The following CEP128 variants were observed in gnomAD, a reference collection of about 807,000 sequenced individuals.
CEP128 encodes centrosomal protein 128, also known as centrosomal protein 128kDa.
A neutral mutation model predicts 156.7 loss-of-function variants in CEP128; 132 were observed. The ratio of observed to expected loss-of-function variants is 0.84; its 90% CI spans 0.73 to 0.97. The LOEUF is 0.97. CEP128 is among the 50% of genes least tolerant of loss of function. The pLI is 0.00. For missense variants in CEP128, 1,252 were observed against 1,281.9 expected, an observed-to-expected ratio of 0.98 and a Z score of 0.36; for synonymous variants, 469 against 448.9, an observed-to-expected ratio of 1.04 and a Z score of -0.57.
At chr14:80,538,108 G>T (rs1889569150) in intron 21 of CEP128, among the ~76,000 whole-genome samples, 1 of 151,886 alleles carries the variant, frequency 6.6e-6, no homozygotes. Flanking sequence ...CAGTGAATGT[G>T]AATGTGAACT....
chr14:80,817,244 A>G (rs1204610156), intron 13 of CEP128, among the ~76,000 whole-genome samples: 2 of 152,146 alleles, frequency 1.3e-5, no homozygotes, highest in African/African-American at 4.8e-5. Context: ...AGACAGAAAA[A>G]CCCAAAAGGT....
At chr14:80,507,684 G>A (rs1228622872) in intron 23 of CEP128, among the ~76,000 whole-genome samples, 1 of 152,208 alleles carries the variant, frequency 6.6e-6, no homozygotes, top group Non-Finnish European at 1.5e-5. Context: ...CCACAACTGA[G>A]ACAGACAGTG....
chr14:80,678,066 A>ATATATATATATATATATATATATGTG (rs1896161298), intron 19 of CEP128, among the ~76,000 whole-genome samples: 1 of 147,266 alleles, frequency 6.8e-6, no homozygotes, highest in Non-Finnish European at 1.5e-5. Context: ...ATATATATGT[A>ATATATATATATATATATATATATGTG]TATATATATA....
At chr14:80,732,932 G>T (rs138725113) in intron 19 of CEP128, among the ~76,000 whole-genome samples, 5 of 137,866 alleles carry the variant, frequency 3.6e-5, no homozygotes, top group Non-Finnish European at 7.9e-5. Context: ...TGGTATAAAG[G>T]TTAATTTTAT....
At chr14:80,542,362 T>C (rs186971502) in intron 21 of CEP128, among the ~76,000 whole-genome samples, 112 of 152,282 alleles carry the variant, frequency 7.4e-4, no homozygotes, top group African/African-American at 2.5e-3. Context: ...CTTAGAAATA[T>C]TGTGGCAAGA....
chr14:80,678,046 A>AT (rs1253133011), intron 19 of CEP128, among the ~76,000 whole-genome samples: 20,638 of 83,066 alleles, frequency 0.25, 1,990 homozygotes, highest in East Asian at 0.45. Flanking sequence ...TCTATAAAAA[A>AT]AAAATATATA....
At position 80,923,348 on chromosome 14, in the gene CEP128, T is replaced by C. The variant is rs188572511; in HGVS notation, c.-15-6786A>G. On this transcript the variant is annotated intron_variant, in intron 2 of 24. Transcript: ENST00000555265. ...GAATTCAACCTTTGTAATAAGAGGA[T>C]TGGCAATGAGCCTTTACAAACTCAA... Among the ~76,000 whole-genome samples the C allele has an allele frequency of 7.9e-5, 12 of 152,326 alleles. No homozygotes were observed. The East Asian group carries it at 1.9e-3, about 25-fold the overall frequency.
intron 1 of CEP128, among the ~76,000 whole-genome samples, chr14:80,959,081 C>G (rs726020): frequency 0.43 from 64,938 of 151,594 alleles, 15,537 homozygotes; most frequent in African/African-American, 0.66. Flanking sequence ...ATATCCCAGC[C>G]CCGTGGTCTT....
intron 2 of CEP128, among the ~76,000 whole-genome samples, chr14:80,925,442 C>T (rs1295788849): frequency 6.6e-6 from 1 of 152,118 alleles, no homozygotes; most frequent in Non-Finnish European, 1.5e-5. Flanking sequence ...GTTAGAATTT[C>T]CCAGTAATCA....
rs544456026 is a variant in CEP128, at chr14:80,509,835, C to A, written c.3073-4815G>T. Among the ~76,000 whole-genome samples the A allele has an allele frequency of 5.7e-4, 87 of 152,192 alleles. 1 individual carries two copies. The highest frequency in any genetic ancestry group is 2.7e-3 in the Admixed American group (42 of 15,286). ...AGGTATACATTCTAGTTTCATTTTT[C>A]TGCATATGAATATCCAGTTTTTACA... On this transcript the variant is annotated intron_variant, in intron 23 of 24. Coordinates refer to ENST00000555265, the MANE Select transcript of CEP128 (RefSeq NM_152446.5).
chr14:80,783,934 CA>C (rs1901258825), intron 15 of CEP128, among the ~76,000 whole-genome samples: 1 of 152,154 alleles, frequency 6.6e-6, no homozygotes, highest in Non-Finnish European at 1.5e-5. Flanking sequence ...CCACTAATGC[CA>C]GAAGGCTATC....
chr14:80,507,476 G>C (rs989004362), intron 23 of CEP128, among the ~76,000 whole-genome samples: 1 of 152,174 alleles, frequency 6.6e-6, no homozygotes, highest in African/African-American at 2.4e-5. Flanking sequence ...CTACAGGTGT[G>C]GCTGAAATTG....
chr14:80,544,574 T>C (rs185396337), intron 21 of CEP128, among the ~76,000 whole-genome samples: 89 of 152,326 alleles, frequency 5.8e-4, no homozygotes, highest in South Asian at 1.4e-3. Context: ...CCAAAGGGCC[T>C]ACCTACCTTG....
chr14:80,743,979 C>T lies in CEP128; in HGVS notation c.2614-712G>A, dbSNP rs1438596764. Among the ~76,000 whole-genome samples, 5 of 151,834 alleles carry T rather than the reference C, an allele frequency of 3.3e-5. No individual in the cohort carries two copies. In the East Asian group the frequency reaches 7.7e-4, roughly 23 times the overall value. ...CTTGACTTCCTGGGCTCAAGCAATC[C>T]TCCTGCTCAGCCTCCTCAGTAGCTG... On this transcript the variant is annotated intron_variant, in intron 18 of 24. Transcript: ENST00000555265.
intron 19 of CEP128, among the ~76,000 whole-genome samples, chr14:80,636,601 C>A (rs761963533): frequency 1.4e-4 from 21 of 152,226 alleles, no homozygotes; most frequent in South Asian, 4.2e-4. Flanking sequence ...TAGAGATGAA[C>A]CCCTCATCTC....
chr14:80,497,279 C>T lies in CEP128; in HGVS notation c.*200G>A, dbSNP rs987860728. 2.4e-5 allele frequency: 11 copies of T among 462,400 alleles called. No individual in the cohort carries two copies. Among genetic ancestry groups the T allele is most frequent in the African/African-American group, 2.2e-4 (11 of 49,282 alleles). 28.6% of individuals were successfully genotyped at this position (462,400 alleles called of 1,614,324 possible). A position where few individuals can be genotyped will look rare whatever the true frequency, so the allele number is the denominator to read the frequency against. On this transcript the variant is annotated 3_prime_UTR_variant, in exon 25 of 25. Coordinates refer to ENST00000555265, the MANE Select transcript of CEP128 (RefSeq NM_152446.5). Reference sequence around the variant, plus strand: ...AGTTGCAAATAAATTAGCTGCACATCATTCATGATCTGATATTATTTGGAT... The same window carrying T: ...AGTTGCAAATAAATTAGCTGCACATTATTCATGATCTGATATTATTTGGAT...
intron 19 of CEP128, among the ~76,000 whole-genome samples, chr14:80,684,839 T>A (rs1896465346): frequency 6.6e-6 from 1 of 151,640 alleles, no homozygotes; most frequent in Non-Finnish European, 1.5e-5. Flanking sequence ...AAACAAAATT[T>A]TAAAAAAATA....
chr14:80,735,017 A>G (rs190966251), intron 19 of CEP128, among the ~76,000 whole-genome samples: 24 of 152,298 alleles, frequency 1.6e-4, no homozygotes, highest in Admixed American at 1.2e-3. Context: ...CCTAACAGGT[A>G]TCCCTCCCAG....
intron 21 of CEP128, among the ~76,000 whole-genome samples, chr14:80,535,593 G>C (rs544285473): frequency 6.7e-6 from 1 of 150,294 alleles, no homozygotes; most frequent in African/African-American, 2.5e-5. Context: ...GTGCACACAC[G>C]CGCACGCATA....
Sources: gnomAD v4.1 joint callset for allele counts (sites outside exome capture counted in the v4.1 genomes callset) on GRCh38, gnomAD v4.1.1 for gene constraint, MANE v1.5 for transcripts, NCBI Gene and HGNC (gene_info 2026-07-23, HGNC 2026-07-21) for gene names.